The following CYP2S1 variants were observed in gnomAD, a reference collection of about 807,000 sequenced individuals.
The protein encoded by CYP2S1 is cytochrome P450 family 2 subfamily S member 1.
In CYP2S1, 32 loss-of-function variants were observed where a neutral mutation model predicts 43.5. The observed-to-expected ratio is 0.74, with a 90% CI of 0.56 to 0.99. The LOEUF is 0.99. CYP2S1 is among the 50% of genes least tolerant of loss of function. The pLI, the probability that CYP2S1 is intolerant of heterozygous loss-of-function variation, is 0.00. For synonymous variants in CYP2S1, 283 were observed against 302.9 expected (o/e 0.93, Z 0.68); for missense variants, 575 against 673.9 (o/e 0.85, Z 1.62).
rs763548214 is a variant in CYP2S1 at position 41,203,500 on chromosome 19, A to T, written c.1027A>T (p.Ser343Cys). ...NRELGAGQAP[S>C]LGDRTRLPYT... ...GGAGCTGGGGGCTGGCCAGGCACCA[A>T]GCCTAGGGGACCGTACCCGCCTCCC... The change falls in exon 7 of 9, where the codon AGC (serine) becomes TGC (cysteine). Residue 343 changes from serine (S) to cysteine (C), a missense_variant. Physicochemically the swap from Ser to Cys is moderately radical, Grantham distance 112. Around this residue, in one of 2 missense-constraint regions of CYP2S1, gnomAD observed 222 missense variants for 306.3 expected, o/e 0.72. Coordinates refer to ENST00000310054, the MANE Select transcript of CYP2S1 (RefSeq NM_030622.8). The T allele has an allele frequency of 2.0e-5, 32 of 1,604,656 alleles. No individual in the cohort carries two copies. The highest frequency in any genetic ancestry group is 1.9e-4 in the Admixed American group (11 of 59,242).
chr19:41,201,488 T>C (rs1429207250), intron 6 of CYP2S1, 116 bp downstream of exon 6: 3 of 1,418,200 alleles, frequency 2.1e-6, no homozygotes, highest in South Asian at 2.9e-5. Flanking sequence ...GGCTGATCAC[T>C]TGAGAATAGG....
chr19:41,201,588 C>T (rs946242641), intron 6 of CYP2S1, among the ~76,000 whole-genome samples: 25 of 151,888 alleles, frequency 1.6e-4, no homozygotes, highest in Non-Finnish European at 3.2e-4. Flanking sequence ...ACTTGTAATC[C>T]CAGCACTCAG....
intron 5 of CYP2S1, among the ~76,000 whole-genome samples, chr19:41,200,970 C>T (rs527714117): frequency 2.6e-5 from 4 of 152,032 alleles, no homozygotes; most frequent in East Asian, 3.9e-4. Flanking sequence ...CCCAGCTACT[C>T]GGGAGGCTGA....
chr19:41,203,427 T>A, intron 6 of CYP2S1, 23 bp from the exon 7 acceptor site: 1 of 1,574,156 alleles, frequency 6.4e-7, no homozygotes, highest in Non-Finnish European at 8.6e-7. Flanking sequence ...CCCGTCTGAC[T>A]CCTGCCCTCC....
chr19:41,205,970 T>A lies in CYP2S1; in HGVS notation c.1177T>A (p.Phe393Ile). 6.2e-7 allele frequency: 1 copy of A among 1,613,956 alleles called. No individual in the cohort carries two copies. Among genetic ancestry groups the A allele is most frequent in the East Asian group, 2.2e-5 (1 of 44,874 alleles). The change falls in exon 8 of 9, where the codon TTC becomes ATC. Residue 393 changes from phenylalanine (F) to isoleucine (I), a missense_variant. By Grantham distance (21) the Phe-to-Ile change is conservative. Coordinates refer to ENST00000310054, the MANE Select transcript of CYP2S1 (RefSeq NM_030622.8). The stretch of plus-strand genomic sequence containing the variant: ...TATTTCCCCTCAGGGCACGGAGGTC[T>A]TCCCCCTCCTTGGCTCCATCCTGCA... ...GYTLPQGTEV[F>I]PLLGSILHDP...
chr19:41,200,130 AAG>A (rs1360629179), intron 5 of CYP2S1, among the ~76,000 whole-genome samples: 5 of 152,114 alleles, frequency 3.3e-5, no homozygotes, highest in African/African-American at 9.7e-5. Flanking sequence ...TTTGTGGAGA[AAG>A]AAAAATTTTT....
chr19:41,205,410 T>C lies in CYP2S1; in HGVS notation c.1165-548T>C, dbSNP rs1399040297. Reference sequence around the variant, plus strand: ...TCTCTCTCTTTCTTTCTCTCTTTCTTTCTTTCTTTCTCTCTCTCTCTCTTT... The same window carrying C: ...TCTCTCTCTTTCTTTCTCTCTTTCTCTCTTTCTTTCTCTCTCTCTCTCTTT... On this transcript the variant is annotated intron_variant, in intron 7 of 8. Transcript: ENST00000310054. 5.4e-4 allele frequency among the ~76,000 whole-genome samples: 69 copies of C among 128,702 alleles called. 2 individuals carry two copies. The highest frequency in any genetic ancestry group is 1.7e-3 in the African/African-American group (62 of 35,922). The allele number at this position is 128,702 out of a possible 152,430, so 84.4% of individuals were successfully genotyped here.
At chr19:41,201,181 T>C (rs1289659448) in intron 5 of CYP2S1, 50 bp from the exon 6 acceptor site, 1 of 1,595,566 alleles carries the variant, frequency 6.3e-7, no homozygotes, top group East Asian at 2.2e-5. Flanking sequence ...TCTGGACATT[T>C]ACTTCCCAAA....
At position 41,194,728 on chromosome 19, in the gene CYP2S1, GGCCCTCC is replaced by G. The variant is rs2033389770; in HGVS notation, c.343+22_343+28del. On this transcript the variant is annotated intron_variant, in intron 2 of 8. Transcript: ENST00000310054. The stretch of plus-strand genomic sequence containing the variant: ...GGCCATGGTAAGTCAAGGGCTGCTA[GGCCCTCC>G]GCTCACAGCCTGCCACCACTTACTG... The G allele has an allele frequency of 1.3e-6, 2 of 1,597,276 alleles. No individual in the cohort carries two copies. Among genetic ancestry groups the G allele is most frequent in the Non-Finnish European group, 1.7e-6 (2 of 1,174,354 alleles).
At position 41,198,588 on chromosome 19, in the gene CYP2S1, G is replaced by A. The variant is rs376249062; in HGVS notation, c.620G>A (p.Gly207Asp). The A allele has an allele frequency of 7.7e-5, 124 of 1,614,178 alleles. 2 individuals carry two copies. The South Asian group carries it at 1.1e-3, about 15-fold the overall frequency. The stretch of plus-strand genomic sequence containing the variant: ...CAGGCCGTGGTCCGGGCAGCTGGTG[G>A]TACCCTGCTGGGAGTCAGCTCCCAG... Reference protein sequence around the residue: ...EFQAVVRAAGGTLLGVSSQGG... With the variant: ...EFQAVVRAAGDTLLGVSSQGG... The change falls in exon 4 of 9, where the codon GGT becomes GAT. Residue 207 changes from glycine to aspartate, a missense_variant. Physicochemically the swap from Gly to Asp is moderately conservative, Grantham distance 94. Around this residue, in one of 2 missense-constraint regions of CYP2S1, gnomAD observed 353 missense variants for 367.6 expected, o/e 0.96. Coordinates refer to ENST00000310054, the MANE Select transcript of CYP2S1 (RefSeq NM_030622.8). The surrounding 1 kb of genome is among the most constrained non-coding windows in gnomAD (Gnocchi z 4.9).
In CYP2S1 at chr19:41,198,977, G is replaced by A. The variant is rs115838726; in HGVS notation, c.834+89G>A. ...AGGTGTCCCTGGGGACCTCAATTGG[G>A]TTCCTCTCTCTTTCTCTCTCTGCAT... On this transcript the variant is annotated intron_variant, in intron 5 of 8. Coordinates refer to ENST00000310054, the MANE Select transcript of CYP2S1 (RefSeq NM_030622.8). This position sits in a 1 kb window ranked among gnomAD's most constrained non-coding sequence, Gnocchi z 4.9. The A allele has an allele frequency of 1.2e-4, 178 of 1,472,076 alleles. No individual in the cohort carries two copies. In the African/African-American group the frequency reaches 2.2e-3, roughly 18 times the overall value. 91.2% of individuals were successfully genotyped at this position (1,472,076 alleles called of 1,614,324 possible).
At chr19:41,203,412 C>G in intron 6 of CYP2S1, 38 bp from the exon 7 acceptor site, 1 of 1,539,648 alleles carries the variant, frequency 6.5e-7, no homozygotes, top group South Asian at 1.3e-5. Flanking sequence ...TCCCTGGGCC[C>G]TACCCCCGTC....
chr19:41,198,726 C>T lies in CYP2S1; in HGVS notation c.672C>T (p.Ser224=). Residue 224 remains serine (S), a synonymous_variant, in exon 5 of 9, where the codon TCC becomes TCT. Transcript: ENST00000310054. The surrounding 1 kb of genome is among the most constrained non-coding windows in gnomAD (Gnocchi z 4.9). The part of the protein sequence containing the change: ...SQGGQTYEMF[S]WFLRPLPGPH... The stretch of plus-strand genomic sequence containing the variant: ...CCCCACAGACCTACGAGATGTTCTC[C>T]TGGTTCCTGCGGCCCCTGCCAGGCC... 2 of 1,614,158 alleles carry T rather than the reference C, an allele frequency of 1.2e-6. No individual in the cohort carries two copies. The highest frequency in any genetic ancestry group is 1.7e-6 in the Non-Finnish European group (2 of 1,180,008).
intron 5 of CYP2S1, among the ~76,000 whole-genome samples, chr19:41,200,248 C>T (rs746685309): frequency 2.0e-5 from 3 of 152,104 alleles, no homozygotes; most frequent in Non-Finnish European, 4.4e-5. Context: ...TTTAGGTATA[C>T]AGTACAGTAG....
Position 41,205,955 on chromosome 19 carries a change from C to A in CYP2S1, c.1165-3C>A, listed in dbSNP as rs200742173. ...TTATAGTTTCATTATTATTTCCCCT[C>A]AGGGCACGGAGGTCTTCCCCCTCCT... On this transcript the variant is annotated splice_region_variant and splice_polypyrimidine_tract_variant and intron_variant, in intron 7 of 8. Transcript: ENST00000310054. The A allele has an allele frequency of 6.2e-7, 1 of 1,613,152 alleles. No individual in the cohort carries two copies.
rs867210286 is a variant in CYP2S1, at chr19:41,205,390, C to T, written c.1165-568C>T. ...TCTTTCTTTCTTTCTTTCTCTCTCT[C>T]TCTTTCTTTCTCTCTTTCTTTCTTT... On this transcript the variant is annotated intron_variant, in intron 7 of 8. Coordinates refer to ENST00000310054, the MANE Select transcript of CYP2S1 (RefSeq NM_030622.8). 7.8e-3 allele frequency among the ~76,000 whole-genome samples: 656 copies of T among 83,592 alleles called. 7 individuals carry two copies. The highest frequency in any genetic ancestry group is 0.036 in the African/African-American group (625 of 17,142). The allele number at this position is 83,592 out of a possible 152,430, so 54.8% of individuals were successfully genotyped here.
intron 7 of CYP2S1, 122 bp downstream of exon 7, chr19:41,203,759 CTT>C (rs1400100557): frequency 4.1e-6 from 4 of 970,204 alleles, no homozygotes; most frequent in Non-Finnish European, 5.7e-6. Flanking sequence ...CTCTCTCTGT[CTT>C]TATCTCCCTC....
intron 6 of CYP2S1, among the ~76,000 whole-genome samples, 191 bp from the exon 7 acceptor site, chr19:41,203,257 AAG>A (rs909370393): frequency 2.6e-5 from 4 of 152,050 alleles, no homozygotes; most frequent in Non-Finnish European, 5.9e-5. Flanking sequence ...AAAATAAAAT[AAG>A]AGAGAGAGAA....
At chr19:41,199,702 T>A (rs1173480480) in intron 5 of CYP2S1, among the ~76,000 whole-genome samples, 1 of 152,064 alleles carries the variant, frequency 6.6e-6, no homozygotes, top group East Asian at 1.9e-4. Context: ...CAGTGGCTCA[T>A]GCCTGTAATC....
Sources: gnomAD v4.1 joint callset for allele counts (sites outside exome capture counted in the v4.1 genomes callset) on GRCh38, gnomAD v4.1.1 for gene constraint, gnomAD v4.1.1 regional missense constraint, Gnocchi (gnomAD v3.1) non-coding constraint, MANE v1.5 for transcripts, NCBI Gene and HGNC (gene_info 2026-07-23, HGNC 2026-07-21) for gene names.